The following BAZ1B variants were observed in gnomAD, a reference collection of about 807,000 sequenced individuals.
BAZ1B encodes the protein tyrosine-protein kinase BAZ1B.
In BAZ1B, 22 loss-of-function variants were observed where a neutral mutation model predicts 153.8. That is an observed-to-expected ratio of 0.14 (90% CI 0.10 to 0.20). The LOEUF (loss-of-function observed/expected upper bound fraction) is 0.20. Ranked by LOEUF, BAZ1B falls within the 10% of genes least tolerant of loss-of-function variation. BAZ1B has a pLI of 1.00. For missense variants in BAZ1B, 1,325 were observed against 1,799.3 expected, an observed-to-expected ratio of 0.74 and a Z score of 4.77; for synonymous variants, 676 against 633.4, an observed-to-expected ratio of 1.07 and a Z score of -1.01.
rs576117953 is a variant in BAZ1B, at chr7:73,490,596, T to G, written c.694-1205A>C. ...TACAAGGGATACTTAGGGAAGTGGT[T>G]AAAACTAAGCATTTTTTTTTTTTTT... On this transcript the variant is annotated intron_variant, in intron 5 of 19. Transcript: ENST00000339594. Among the ~76,000 whole-genome samples the G allele has an allele frequency of 3.9e-5, 6 of 151,988 alleles. No individual in the cohort carries two copies. The East Asian group carries it at 1.2e-3, about 29-fold the overall frequency.
intron 17 of BAZ1B, among the ~76,000 whole-genome samples, chr7:73,443,035 C>G (rs1554565531): frequency 6.6e-6 from 1 of 152,204 alleles, no homozygotes; most frequent in Non-Finnish European, 1.5e-5. Context: ...TCACTCGCCT[C>G]CCCCGGGGCC....
chr7:73,497,577 CTTT>C (rs1334974610), intron 4 of BAZ1B, among the ~76,000 whole-genome samples: 1 of 152,040 alleles, frequency 6.6e-6, no homozygotes, highest in African/African-American at 2.4e-5. Flanking sequence ...ACTCTTTGTT[CTTT>C]TTTTACAATA....
At chr7:73,448,964 TGAG>T (rs1787934219) in intron 15 of BAZ1B, among the ~76,000 whole-genome samples, 1 of 151,912 alleles carries the variant, frequency 6.6e-6, no homozygotes, top group Admixed American at 6.6e-5. Context: ...AAAGAGGAGT[TGAG>T]AAGCCACCAA....
At position 73,477,553 on chromosome 7, in the gene BAZ1B, G is replaced by T. The variant is rs147030399; in HGVS notation, c.1908C>A (p.Ser636=). 8 of 1,613,946 alleles carry T rather than the reference G, an allele frequency of 5.0e-6. No individual in the cohort carries two copies. The African/African-American group carries it at 9.3e-5, about 19-fold the overall frequency. Residue 636 remains serine (S), a synonymous_variant, in exon 7 of 20, where the codon TCC becomes TCA. Transcript: ENST00000339594. This position sits in a 1 kb window ranked among gnomAD's most constrained non-coding sequence, Gnocchi z 5.6. ...TATCTGCACTCAAGGCTTCCATAAG[G>T]GACACAGCAGTAATAGGATACTGAG... ...PDAQYPITAV[S]LMEALSADKG... is the part of the protein sequence containing the mutation.
chr7:73,459,706 C>T lies in BAZ1B; in HGVS notation c.3262G>A (p.Glu1088Lys). Residue 1088 changes from glutamate (E) to lysine (K), a missense_variant, in exon 13 of 20, where the codon GAG becomes AAG. Physicochemically the swap from Glu to Lys is moderately conservative, Grantham distance 56 (BLOSUM62 1). Around this residue, in one of 9 missense-constraint regions of BAZ1B, gnomAD observed 431 missense variants for 563.5 expected, o/e 0.76. Transcript: ENST00000339594. ...CACTCACCAAAATCCTTCAATTTCT[C>T]TAATGAAATGACCTATAGGAAAGGA... is the stretch of plus-strand genomic sequence containing the variant. ...SEFEARVISLEKLKDFGECVI... is the reference protein window; with the variant it reads ...SEFEARVISLKKLKDFGECVI... 1 of 1,605,152 alleles carries T rather than the reference C, an allele frequency of 6.2e-7. No homozygotes were observed. Among genetic ancestry groups the T allele is most frequent in the Non-Finnish European group, 8.5e-7 (1 of 1,177,250 alleles).
At chr7:73,508,102 G>A (rs1554578060) in intron 3 of BAZ1B, among the ~76,000 whole-genome samples, 1 of 152,120 alleles carries the variant, frequency 6.6e-6, no homozygotes, top group East Asian at 1.9e-4. Context: ...GTTGCAGTGA[G>A]CCAAGATTGC....
chr7:73,454,763 G>A (rs74373067), intron 13 of BAZ1B, among the ~76,000 whole-genome samples: 2 of 152,264 alleles, frequency 1.3e-5, no homozygotes, highest in East Asian at 3.9e-4. Flanking sequence ...CAGTGAGCCT[G>A]AGTACTGCTG....
At chr7:73,455,544 G>A (rs1035731923) in intron 13 of BAZ1B, among the ~76,000 whole-genome samples, 53 of 152,276 alleles carry the variant, frequency 3.5e-4, no homozygotes, top group Non-Finnish European at 7.1e-4. Context: ...CACTTTGGGA[G>A]GCCAGGGTGG....
At position 73,522,028 on chromosome 7, in the gene BAZ1B, G is replaced by T; in HGVS notation, c.-95C>A. ...CCGGAGCGAGCGCCAGGCGCCCGGG[G>T]GTGGGGTGGGGGAAGGGAGGGGTGA... On this transcript the variant is annotated 5_prime_UTR_variant, in exon 1 of 20. Coordinates refer to ENST00000339594, the MANE Select transcript of BAZ1B (RefSeq NM_032408.4). 1 of 893,190 alleles carries T rather than the reference G, an allele frequency of 1.1e-6. No homozygotes were observed. Among genetic ancestry groups the T allele is most frequent in the Non-Finnish European group, 1.5e-6 (1 of 680,288 alleles). The allele number at this position is 893,190 out of a possible 1,614,324, so 55.3% of individuals were successfully genotyped here.
At chr7:73,486,580 C>A (rs1563386737) in intron 6 of BAZ1B, among the ~76,000 whole-genome samples, 1 of 152,182 alleles carries the variant, frequency 6.6e-6, no homozygotes. Flanking sequence ...CCCAACTCGG[C>A]CTCCCAAAGT....
intron 3 of BAZ1B, 51 bp from the exon 4 acceptor site, chr7:73,498,749 T>C (rs782411405): frequency 4.6e-6 from 7 of 1,522,518 alleles, no homozygotes; most frequent in Non-Finnish European, 6.3e-6. Flanking sequence ...CCCAGAAACC[T>C]GAAGATGTTT....
At chr7:73,446,735 G>A (rs1787852047) in intron 16 of BAZ1B, among the ~76,000 whole-genome samples, 1 of 152,126 alleles carries the variant, frequency 6.6e-6, no homozygotes, top group Non-Finnish European at 1.5e-5. Context: ...CATCTAGTGA[G>A]AACAGATCTG....
At chr7:73,463,206 T>A in intron 11 of BAZ1B, 107 bp from the exon 12 acceptor site, 11 of 943,312 alleles carry the variant, frequency 1.2e-5, no homozygotes, top group East Asian at 2.6e-5. Context: ...TACTTAGATC[T>A]CTTTCACCTC....
chr7:73,481,810 G>A (rs1209640453), intron 6 of BAZ1B, among the ~76,000 whole-genome samples: 1 of 152,128 alleles, frequency 6.6e-6, no homozygotes, highest in Non-Finnish European at 1.5e-5. Flanking sequence ...GGCTGAGGCG[G>A]GCAGATCACG....
intron 10 of BAZ1B, among the ~76,000 whole-genome samples, chr7:73,466,076 AG>A (rs1229123291): frequency 6.6e-6 from 1 of 152,196 alleles, no homozygotes; most frequent in Non-Finnish European, 1.5e-5. Flanking sequence ...GTTATATTAC[AG>A]GGGGGAAAAA....
At chr7:73,488,077 T>C (rs1047610497) in intron 6 of BAZ1B, among the ~76,000 whole-genome samples, 1 of 152,080 alleles carries the variant, frequency 6.6e-6, no homozygotes, top group South Asian at 2.1e-4. Flanking sequence ...TTAAATGAAA[T>C]GGGAAAAAAA....
At chr7:73,506,201 A>G (rs1554577719) in intron 3 of BAZ1B, among the ~76,000 whole-genome samples, 1 of 152,134 alleles carries the variant, frequency 6.6e-6, no homozygotes, top group African/African-American at 2.4e-5. Flanking sequence ...TGACTGGATA[A>G]TTAAAAAACA....
At chr7:73,455,877 A>G (rs35330527) in intron 13 of BAZ1B, among the ~76,000 whole-genome samples, 20,522 of 152,200 alleles carry the variant, frequency 0.13, 1,526 homozygotes, top group African/African-American at 0.19. Flanking sequence ...ATATACTGGT[A>G]AGTGAGAAAC....
At chr7:73,447,911 AG>A (rs1787897460) in intron 15 of BAZ1B, among the ~76,000 whole-genome samples, 1 of 152,238 alleles carries the variant, frequency 6.6e-6, no homozygotes, top group African/African-American at 2.4e-5. Context: ...CCACCATTTC[AG>A]AGCAACATGT....
Sources: gnomAD v4.1 joint callset for allele counts (sites outside exome capture counted in the v4.1 genomes callset) on GRCh38, gnomAD v4.1.1 for gene constraint, gnomAD v4.1.1 regional missense constraint, Gnocchi (gnomAD v3.1) non-coding constraint, MANE v1.5 for transcripts, NCBI Gene and HGNC (gene_info 2026-07-23, HGNC 2026-07-21) for gene names.